SEMA3D: variants seen among roughly 807,000 people sequenced by gnomAD.
The protein encoded by SEMA3D is semaphorin-3D.
In SEMA3D, 84 loss-of-function variants were observed where a neutral mutation model predicts 100.1. That is an observed-to-expected ratio of 0.84 (90% CI 0.70 to 1.01). The LOEUF (loss-of-function observed/expected upper bound fraction) is 1.01. Among genes scored for constraint, SEMA3D ranks in the 50% least tolerant of loss-of-function variants. The pLI is 0.00. For synonymous variants in SEMA3D, 312 were observed against 320.7 expected (o/e 0.97, Z 0.29); for missense variants, 875 against 934.1 (o/e 0.94, Z 0.82).
chr7:85,237,085 A>T, the SEMA3D span, among the ~76,000 whole-genome samples: 22 of 152,222 alleles, frequency 1.4e-4, no homozygotes, highest in Non-Finnish European at 1.5e-5. Context: ...AACAGTATTC[A>T]TGCACTCATA....
intron 2 of SEMA3D, 98 bp from the exon 3 acceptor site, chr7:85,122,029 T>C (rs1428613931): frequency 3.3e-6 from 2 of 608,422 alleles, no homozygotes; most frequent in East Asian, 6.0e-5. Flanking sequence ...TAAGTGGGAG[T>C]TGAACAATGA....
At chr7:85,131,781 T>C (rs1789730877) in intron 2 of SEMA3D, among the ~76,000 whole-genome samples, 2 of 151,936 alleles carry the variant, frequency 1.3e-5, no homozygotes, top group South Asian at 4.1e-4. Flanking sequence ...AAAAAATTTA[T>C]GCATCTATGA....
At chr7:85,150,472 A>G (rs1374903013) in intron 2 of SEMA3D, among the ~76,000 whole-genome samples, 1 of 129,548 alleles carries the variant, frequency 7.7e-6, no homozygotes, top group Non-Finnish European at 1.6e-5. Context: ...ATATATTTAC[A>G]GGGATATATA....
intron 1 of SEMA3D, among the ~76,000 whole-genome samples, chr7:85,179,977 G>C (rs1402253217): frequency 6.6e-6 from 1 of 152,152 alleles, no homozygotes; most frequent in African/African-American, 2.4e-5. Flanking sequence ...GGACTTTTGA[G>C]TTAATGCTGA....
chr7:85,207,364 T>A, the SEMA3D span, among the ~76,000 whole-genome samples: 1 of 152,116 alleles, frequency 6.6e-6, no homozygotes, highest in Non-Finnish European at 1.5e-5. Context: ...TTTCAATAAA[T>A]ATCTAAATAC....
chr7:85,121,932 CT>C lies in SEMA3D; in HGVS notation c.-40-2del. On this transcript the variant is annotated splice_acceptor_variant, in intron 2 of 18. Coordinates refer to ENST00000284136, the MANE Select transcript of SEMA3D (RefSeq NM_001384900.1). LOFTEE classifies it low-confidence loss of function (5UTR_SPLICE). ...CTCTTTCAAATGGTGTTAATTTAAT[CT>C]AAAAAAGAGTAAAAAAAAAAAAACT... 7.2e-7 allele frequency: 1 copy of C among 1,386,396 alleles called. No homozygotes were observed. The highest frequency in any genetic ancestry group is 9.8e-7 in the Non-Finnish European group (1 of 1,023,578). 85.9% of individuals were successfully genotyped at this position (1,386,396 alleles called of 1,614,324 possible). A position where few individuals can be genotyped will look rare whatever the true frequency, so the allele number is the denominator to read the frequency against.
chr7:85,006,103 GT>G lies in SEMA3D; in HGVS notation c.1908+698del, dbSNP rs1789789262. Among the ~76,000 whole-genome samples the G allele has an allele frequency of 3.3e-5, 5 of 151,988 alleles. No individual in the cohort carries two copies. The South Asian group carries it at 1.0e-3, about 32-fold the overall frequency. ...CATGTAAAATACCCTCACTAATAGGGTATCTGTAATTTTATATGCATATTTT... is the reference window on the plus strand; with the variant it reads ...CATGTAAAATACCCTCACTAATAGGGATCTGTAATTTTATATGCATATTTT... On this transcript the variant is annotated intron_variant, in intron 18 of 18. Coordinates refer to ENST00000284136, the MANE Select transcript of SEMA3D (RefSeq NM_001384900.1).
At position 85,100,770 on chromosome 7, in the gene SEMA3D, C is replaced by T. The variant is rs747841071; in HGVS notation, c.152-2805G>A. The stretch of plus-strand genomic sequence containing the variant: ...TTCCTTCTTTTTTTCTACTTTATAA[C>T]GGTTAAATGTTATTTCTCTTAGTTT... On this transcript the variant is annotated intron_variant, in intron 3 of 18. Transcript: ENST00000284136. Among the ~76,000 whole-genome samples, 56 of 151,518 alleles carry T rather than the reference C, an allele frequency of 3.7e-4. 1 individual carries two copies. The highest frequency in any genetic ancestry group is 6.2e-4 in the South Asian group (3 of 4,818).
chr7:85,143,726 A>ATTT (rs5885452), intron 2 of SEMA3D, among the ~76,000 whole-genome samples: 1 of 147,046 alleles, frequency 6.8e-6, no homozygotes. Context: ...GAGACATGTA[A>ATTT]TTTTTTTTTT....
intron 6 of SEMA3D, among the ~76,000 whole-genome samples, chr7:85,069,639 G>A (rs979498196): frequency 6.6e-6 from 1 of 152,092 alleles, no homozygotes; most frequent in African/African-American, 2.4e-5. Context: ...TATGCAAAAA[G>A]CACCTGTCTG....
chr7:85,151,578 T>G, intron 2 of SEMA3D: 3 of 903,160 alleles, frequency 3.3e-6, no homozygotes, highest in South Asian at 5.2e-5. Context: ...GTAGTTGATG[T>G]GTGTATGCAT....
chr7:85,116,195 T>A (rs575966323), intron 3 of SEMA3D, among the ~76,000 whole-genome samples: 1 of 149,806 alleles, frequency 6.7e-6, no homozygotes, highest in African/African-American at 2.4e-5. Context: ...AAACTATATA[T>A]GTATATATGC....
intron 2 of SEMA3D, among the ~76,000 whole-genome samples, chr7:85,126,557 A>C (rs1241030017): frequency 2.0e-5 from 3 of 152,038 alleles, no homozygotes; most frequent in Non-Finnish European, 4.4e-5. Context: ...CCAATTCAGA[A>C]AGCACAAGGA....
intron 1 of SEMA3D, among the ~76,000 whole-genome samples, chr7:85,185,965 A>G (rs1791532710): frequency 6.6e-6 from 1 of 152,114 alleles, no homozygotes. Context: ...CCTTAACCAC[A>G]TTTCAGACAG....
intron 14 of SEMA3D, among the ~76,000 whole-genome samples, chr7:85,019,140 A>G (rs966470065): frequency 1.3e-5 from 2 of 151,796 alleles, no homozygotes; most frequent in African/African-American, 4.8e-5. Context: ...TATCTCAATT[A>G]TACCTCAATA....
At chr7:85,015,886 G>T (rs565399430) in intron 15 of SEMA3D, among the ~76,000 whole-genome samples, 31 of 151,756 alleles carry the variant, frequency 2.0e-4, no homozygotes, top group African/African-American at 7.0e-4. Flanking sequence ...AGTATCTGTG[G>T]TAGTAGCGGT....
At chr7:85,046,158 G>A (rs1168609125) in intron 9 of SEMA3D, among the ~76,000 whole-genome samples, 1 of 151,780 alleles carries the variant, frequency 6.6e-6, no homozygotes, top group Admixed American at 6.6e-5. Flanking sequence ...TCTGCTTAAC[G>A]ACATTCCTTT....
At chr7:85,192,960 A>C in the SEMA3D span, among the ~76,000 whole-genome samples, 1 of 152,200 alleles carries the variant, frequency 6.6e-6, no homozygotes, top group Non-Finnish European at 1.5e-5. Context: ...TTTAAAACTT[A>C]CAATTCTAAG....
intron 1 of SEMA3D, among the ~76,000 whole-genome samples, chr7:85,168,854 AAAG>A (rs1790998163): frequency 2.1e-4 from 22 of 105,956 alleles, no homozygotes; most frequent in African/African-American, 5.9e-4. Flanking sequence ...AGAAAGAAAG[AAAG>A]AAAGAAAGAA....
Sources: allele counts gnomAD v4.1 joint callset (sites outside exome capture counted in the v4.1 genomes callset), GRCh38; gene constraint gnomAD v4.1.1; transcripts MANE v1.5; gene names NCBI Gene and HGNC (gene_info 2026-07-23, HGNC 2026-07-21).